LYPD6B: variants seen among roughly 807,000 people sequenced by gnomAD.
LYPD6B encodes ly6/PLAUR domain-containing protein 6B.
A neutral mutation model predicts 22.8 loss-of-function variants in LYPD6B; 17 were observed. The observed-to-expected ratio is 0.75, with a 90% CI of 0.51 to 1.12. LYPD6B has a LOEUF of 1.12. Ranked by LOEUF, LYPD6B falls within the 50% of genes most tolerant of loss-of-function variation. The pLI, the probability that LYPD6B is intolerant of heterozygous loss-of-function variation, is 0.00. For synonymous variants in LYPD6B, 106 were observed against 91.6 expected, an observed-to-expected ratio of 1.16 and a Z score of -0.90; for missense variants, 221 against 258.3, an observed-to-expected ratio of 0.86 and a Z score of 0.99.
intron 1 of LYPD6B, among the ~76,000 whole-genome samples, chr2:149,050,074 T>C (rs1683481235): frequency 6.6e-6 from 1 of 152,156 alleles, no homozygotes; most frequent in African/African-American, 2.4e-5. Flanking sequence ...GGTCAGAGTC[T>C]TCAGGGGCTG....
intron 1 of LYPD6B, among the ~76,000 whole-genome samples, chr2:149,049,687 CT>C (rs993659382): frequency 1.6e-4 from 25 of 152,074 alleles, no homozygotes; most frequent in African/African-American, 5.8e-4. Flanking sequence ...GAGCTTATGG[CT>C]TGTTTGGGGA....
intron 3 of LYPD6B, among the ~76,000 whole-genome samples, chr2:149,195,786 G>T (rs547047663): frequency 1.6e-4 from 24 of 151,972 alleles, no homozygotes; most frequent in Admixed American, 4.0e-4. Context: ...TGACAAAAAT[G>T]GAAATAGATA....
intron 2 of LYPD6B, among the ~76,000 whole-genome samples, chr2:149,139,564 A>G (rs1688563229): frequency 6.6e-6 from 1 of 152,180 alleles, no homozygotes; most frequent in Admixed American, 6.5e-5. Context: ...ATCTTTTCTC[A>G]TTCCTCATTT....
intron 1 of LYPD6B, among the ~76,000 whole-genome samples, chr2:149,095,508 C>T (rs182215811): frequency 4.1e-4 from 62 of 152,216 alleles, no homozygotes; most frequent in Middle Eastern, 6.8e-3. Flanking sequence ...TTTGTATGCA[C>T]TTAGATCAAA....
chr2:149,067,789 A>C (rs1425448929), intron 1 of LYPD6B, among the ~76,000 whole-genome samples: 1 of 152,144 alleles, frequency 6.6e-6, no homozygotes, highest in African/African-American at 2.4e-5. Flanking sequence ...CAAATGGAGA[A>C]TTTATTATCT....
intron 6 of LYPD6B, among the ~76,000 whole-genome samples, chr2:149,214,184 C>T (rs1362252910): frequency 6.6e-6 from 1 of 152,148 alleles, no homozygotes; most frequent in Non-Finnish European, 1.5e-5. Context: ...AATGACTAAT[C>T]CGAAAGGTTC....
chr2:149,117,661 G>T (rs1687074218), intron 1 of LYPD6B, among the ~76,000 whole-genome samples: 1 of 152,140 alleles, frequency 6.6e-6, no homozygotes. Context: ...GCAGGACCTT[G>T]TTGCTCATCT....
intron 1 of LYPD6B, among the ~76,000 whole-genome samples, chr2:149,050,849 T>G (rs1262324013): frequency 6.6e-6 from 1 of 152,192 alleles, no homozygotes; most frequent in Admixed American, 6.5e-5. Flanking sequence ...AGTTCAAAGA[T>G]TTCCTGTCTT....
At chr2:149,072,486 TA>T (rs1334833823) in intron 1 of LYPD6B, among the ~76,000 whole-genome samples, 8 of 100,780 alleles carry the variant, frequency 7.9e-5, no homozygotes, top group Non-Finnish European at 6.0e-5. Flanking sequence ...TGGTTATTTT[TA>T]TTTTATTTTA....
At chr2:149,148,184 A>G (rs1689156532) in intron 2 of LYPD6B, among the ~76,000 whole-genome samples, 2 of 152,150 alleles carry the variant, frequency 1.3e-5, no homozygotes, top group South Asian at 2.1e-4. Flanking sequence ...TTGATTTAAC[A>G]TGTCAAATCT....
intron 3 of LYPD6B, among the ~76,000 whole-genome samples, chr2:149,202,661 C>T (rs755811392): frequency 4.6e-5 from 7 of 152,088 alleles, no homozygotes; most frequent in African/African-American, 1.7e-4. Flanking sequence ...AGAGTCAAGA[C>T]CTTGTTGGGG....
Position 149,063,910 on chromosome 2 carries a change from T to G in LYPD6B, c.-67+25109T>G, listed in dbSNP as rs190901523. Reference sequence around the variant, plus strand: ...ACTTCTATATAAAAGACTGGGACAATTCACAGTAAATTTGTGACACATAAA... The same window carrying G: ...ACTTCTATATAAAAGACTGGGACAAGTCACAGTAAATTTGTGACACATAAA... On this transcript the variant is annotated intron_variant, in intron 1 of 6. Coordinates refer to ENST00000409642, the MANE Select transcript of LYPD6B (RefSeq NM_177964.5). Among the ~76,000 whole-genome samples, 3 of 152,300 alleles carry G rather than the reference T, an allele frequency of 2.0e-5. No homozygotes were observed. In the East Asian group the frequency reaches 5.8e-4, roughly 29 times the overall value.
At chr2:149,126,908 T>G (rs1687730362) in intron 1 of LYPD6B, among the ~76,000 whole-genome samples, 1 of 150,576 alleles carries the variant, frequency 6.6e-6, no homozygotes, top group Admixed American at 6.7e-5. Context: ...ATCTTTATCT[T>G]TCTCTCTGTA....
intron 2 of LYPD6B, among the ~76,000 whole-genome samples, chr2:149,143,638 G>A (rs1235192095): frequency 6.6e-6 from 1 of 151,884 alleles, no homozygotes; most frequent in Non-Finnish European, 1.5e-5. Context: ...TGTCTCTTCT[G>A]AGGAGCATAA....
intron 1 of LYPD6B, among the ~76,000 whole-genome samples, chr2:149,072,333 TA>T (rs975142051): frequency 2.6e-5 from 4 of 151,932 alleles, no homozygotes; most frequent in Admixed American, 6.6e-5. Context: ...CTAGGGTGGT[TA>T]TTTTATTTTA....
intron 1 of LYPD6B, among the ~76,000 whole-genome samples, chr2:149,066,340 C>T (rs1684330699): frequency 1.3e-5 from 2 of 151,428 alleles, no homozygotes; most frequent in Admixed American, 1.3e-4. Context: ...CCCCACCCCA[C>T]AACAGGCCCC....
intron 1 of LYPD6B, among the ~76,000 whole-genome samples, chr2:149,098,765 C>CTTTTTTTTTTTTTTTTTTTTTTTTTTT (rs10658424): frequency 7.1e-6 from 1 of 140,116 alleles, no homozygotes; most frequent in African/African-American, 2.6e-5. Flanking sequence ...TGTGCTTTTT[C>CTTTTTTTTTTTTTTTTTTTTTTTTTTT]TTTTTTTTTT....
intron 1 of LYPD6B, among the ~76,000 whole-genome samples, chr2:149,049,553 A>C (rs1406607676): frequency 6.6e-6 from 1 of 152,232 alleles, no homozygotes; most frequent in Non-Finnish European, 1.5e-5. Context: ...TTAGTACCTC[A>C]GAGTGCTCTT....
chr2:149,168,135 G>C (rs1045958048), intron 3 of LYPD6B, among the ~76,000 whole-genome samples: 3 of 150,986 alleles, frequency 2.0e-5, no homozygotes, highest in African/African-American at 7.3e-5. Flanking sequence ...GCTAGAACGG[G>C]GGAGGCGGAG....
Sources: gnomAD v4.1 joint callset for allele counts (sites outside exome capture counted in the v4.1 genomes callset) on GRCh38, gnomAD v4.1.1 for gene constraint, MANE v1.5 for transcripts, NCBI Gene and HGNC (gene_info 2026-07-23, HGNC 2026-07-21) for gene names.